The following TAF4 variants were observed in gnomAD, a reference collection of about 807,000 sequenced individuals.
The protein encoded by TAF4 is transcription initiation factor TFIID subunit 4.
TAF4 carries 9 observed loss-of-function variants against 90.3 expected under a neutral mutation model. The ratio of observed to expected loss-of-function variants is 0.10; its 90% CI spans 0.06 to 0.17. The LOEUF (loss-of-function observed/expected upper bound fraction) is 0.17, where lower values mean the gene tolerates loss of function less well. TAF4 is among the 10% of genes least tolerant of loss of function. The pLI is 1.00. For synonymous variants in TAF4, 818 were observed against 638.9 expected, an observed-to-expected ratio of 1.28 and a Z score of -4.23; for missense variants, 1,351 against 1,370.7, an observed-to-expected ratio of 0.99 and a Z score of 0.23.
rs1336172720 is a variant in TAF4 at position 61,974,822 on chromosome 20, A to T, written c.*1346T>A. On this transcript the variant is annotated 3_prime_UTR_variant, in exon 15 of 15. Transcript: ENST00000252996. The surrounding 1 kb of genome is among the most constrained non-coding windows in gnomAD (Gnocchi z 4.1). ...ATACAGATAAATTTGTTTTTAATAA[A>T]GGAGTTAATTTTCTTTCAATCCTAT... The T allele has an allele frequency of 6.6e-6, 1 of 152,420 alleles. No homozygotes were observed. The highest frequency in any genetic ancestry group is 1.5e-5 in the Non-Finnish European group (1 of 68,046). The allele number at this position is 152,420 out of a possible 1,614,324, so 9.4% of individuals were successfully genotyped here. A position where few individuals can be genotyped will look rare whatever the true frequency, so the allele number is the denominator to read the frequency against.
chr20:61,983,067 G>A (rs537469742), intron 14 of TAF4, among the ~76,000 whole-genome samples: 4 of 152,296 alleles, frequency 2.6e-5, no homozygotes, highest in Non-Finnish European at 4.4e-5. Flanking sequence ...GGAGAGGGAG[G>A]CTGAGGACCA....
intron 1 of TAF4, chr20:62,064,198 C>G: frequency 2.5e-6 from 1 of 399,670 alleles, no homozygotes; most frequent in South Asian, 1.0e-4. Flanking sequence ...ACAGACCAGC[C>G]CCAGGCACAG....
chr20:62,009,436 G>A (rs894833826), intron 4 of TAF4, among the ~76,000 whole-genome samples: 2 of 152,232 alleles, frequency 1.3e-5, no homozygotes, highest in Admixed American at 6.5e-5. Context: ...TTAAAAAAGT[G>A]AAAAGAGACT....
In TAF4 at chr20:62,012,994, G is replaced by A. The variant is rs932069674; in HGVS notation, c.1522-60C>T. 7 of 1,594,816 alleles carry A rather than the reference G, an allele frequency of 4.4e-6. No homozygotes were observed. In the South Asian group the frequency reaches 6.8e-5, roughly 15 times the overall value. ...AAGTAAAAGGAATTCCCACCCCCAG[G>A]TACACAGAAATTATTCCTTCCATAT... On this transcript the variant is annotated intron_variant, in intron 2 of 14. Coordinates refer to ENST00000252996, the MANE Select transcript of TAF4 (RefSeq NM_003185.4).
chr20:62,031,510 A>G (rs1037096647), intron 1 of TAF4, among the ~76,000 whole-genome samples: 6 of 152,182 alleles, frequency 3.9e-5, no homozygotes, highest in African/African-American at 1.4e-4. Context: ...TCATCTGCAG[A>G]TTCTGAATTC....
chr20:62,016,042 G>A (rs1333681628), intron 1 of TAF4, among the ~76,000 whole-genome samples: 3 of 152,214 alleles, frequency 2.0e-5, no homozygotes, highest in Non-Finnish European at 4.4e-5. Flanking sequence ...GCTCGGGAAC[G>A]AAGTAACAGG....
intron 1 of TAF4, among the ~76,000 whole-genome samples, chr20:62,040,926 A>C (rs2055960274): frequency 6.6e-6 from 1 of 152,262 alleles, no homozygotes; most frequent in Non-Finnish European, 1.5e-5. Context: ...AATAGCCAAA[A>C]ACTGGAAACA....
chr20:62,029,020 A>G (rs548260915), intron 1 of TAF4, among the ~76,000 whole-genome samples: 1 of 151,470 alleles, frequency 6.6e-6, no homozygotes, highest in Non-Finnish European at 1.5e-5. Flanking sequence ...CATAGTGAAA[A>G]CCCGTCTCCA....
chr20:61,975,862 T>C lies in TAF4; in HGVS notation c.*306A>G, dbSNP rs943539595. ...CAAATAATGCAGAAACTGCTATGAG[T>C]TGACAGAGGGCAGCTAATTATTTGC... On this transcript the variant is annotated 3_prime_UTR_variant, in exon 15 of 15. Transcript: ENST00000252996. 2.9e-6 allele frequency: 1 copy of C among 349,612 alleles called. No homozygotes were observed. The highest frequency in any genetic ancestry group is 8.8e-4 in the Middle Eastern group (1 of 1,130). The allele number at this position is 349,612 out of a possible 1,614,324, so 21.7% of individuals were successfully genotyped here.
intron 7 of TAF4, among the ~76,000 whole-genome samples, chr20:62,004,328 C>CTTTTTTTTTTTTTTT (rs60437230): frequency 1.2e-3 from 137 of 117,176 alleles, no homozygotes; most frequent in Non-Finnish European, 1.4e-3. Context: ...CTTTTCTTTT[C>CTTTTTTTTTTTTTTT]TTTTTTTTTT....
At chr20:61,997,048 G>C (rs2055667484) in intron 14 of TAF4, among the ~76,000 whole-genome samples, 1 of 152,140 alleles carries the variant, frequency 6.6e-6, no homozygotes, top group Non-Finnish European at 1.5e-5. Flanking sequence ...ACAACTGACA[G>C]TTGAAAGCAA....
intron 11 of TAF4, among the ~76,000 whole-genome samples, chr20:61,999,651 C>A (rs1315476018): frequency 6.6e-6 from 1 of 152,154 alleles, no homozygotes; most frequent in Non-Finnish European, 1.5e-5. Flanking sequence ...AGGTGCCTTC[C>A]AAAAGGTAAA....
intron 5 of TAF4, 36 bp downstream of exon 5, chr20:62,009,016 T>G (rs2296086): frequency 0.13 from 202,711 of 1,602,056 alleles, 16,142 homozygotes; most frequent in East Asian, 0.45. Context: ...GCAACAGGCT[T>G]TAGGGGAAAG....
intron 1 of TAF4, among the ~76,000 whole-genome samples, chr20:62,032,015 C>G (rs2055907235): frequency 6.6e-6 from 1 of 152,252 alleles, no homozygotes; most frequent in Non-Finnish European, 1.5e-5. Flanking sequence ...CCCCGCAGCA[C>G]TGTCCTTCTG....
rs993820485 is a variant in TAF4, at chr20:62,006,868, G to T, written c.1975-110C>A. The stretch of plus-strand genomic sequence containing the variant: ...TACAGAAAGCTTTTGAGCTAAGTAA[G>T]ATGGATCTTGGCCCTCACGGCAGCA... On this transcript the variant is annotated intron_variant, in intron 6 of 14. Transcript: ENST00000252996. The surrounding 1 kb of genome is among the most constrained non-coding windows in gnomAD (Gnocchi z 7.0). 24 of 1,368,784 alleles carry T rather than the reference G, an allele frequency of 1.8e-5. No individual in the cohort carries two copies. Among genetic ancestry groups the T allele is most frequent in the East Asian group, 5.5e-5 (2 of 36,192 alleles). The allele number at this position is 1,368,784 out of a possible 1,614,324, so 84.8% of individuals were successfully genotyped here.
intron 1 of TAF4, among the ~76,000 whole-genome samples, chr20:62,038,215 G>A (rs2055944603): frequency 6.6e-6 from 1 of 152,010 alleles, no homozygotes; most frequent in Non-Finnish European, 1.5e-5. Context: ...TTTTACTAGA[G>A]ACAGGGTTTC....
chr20:62,046,146 T>C (rs6061983), intron 1 of TAF4, among the ~76,000 whole-genome samples: 105,502 of 152,112 alleles, frequency 0.69, 36,767 homozygotes, highest in Middle Eastern at 0.78. Flanking sequence ...ACCACAGCCA[T>C]AACTGCCTTT....
chr20:62,040,268 C>A (rs2055956290), intron 1 of TAF4, among the ~76,000 whole-genome samples: 1 of 152,254 alleles, frequency 6.6e-6, no homozygotes, highest in African/African-American at 2.4e-5. Context: ...AGCCGCACAC[C>A]AGGATGCTGC....
At position 62,000,646 on chromosome 20, in the gene TAF4, G is replaced by A. The variant is rs1290457015; in HGVS notation, c.2562C>T (p.Ala854=). Residue 854 remains alanine (A), a synonymous_variant, in exon 10 of 15, where the codon GCC becomes GCT. Transcript: ENST00000252996. ...GCGTGCCCACCAATTCAGAGTTCGT[G>A]GCTAATATTCTTGCACTTTCTTCTG... The part of the protein sequence containing the change: ...NLSEESARIL[A]TNSELVGTLT... 1.9e-6 allele frequency: 3 copies of A among 1,614,230 alleles called. No individual in the cohort carries two copies. The East Asian group carries it at 6.7e-5, about 36-fold the overall frequency.
Sources: gnomAD v4.1 joint callset for allele counts (sites outside exome capture counted in the v4.1 genomes callset) on GRCh38, gnomAD v4.1.1 for gene constraint, Gnocchi (gnomAD v3.1) non-coding constraint, MANE v1.5 for transcripts, NCBI Gene and HGNC (gene_info 2026-07-23, HGNC 2026-07-21) for gene names.